The following KCNH2 variants were observed in gnomAD, a reference collection of about 807,000 sequenced individuals.
The protein encoded by KCNH2 is potassium voltage-gated channel subfamily H member 2, also known as voltage-gated inwardly rectifying potassium channel KCNH2.
Under a neutral mutation model 95.9 loss-of-function variants are expected in KCNH2, and 35 were observed. That is an observed-to-expected ratio of 0.37 (90% confidence interval 0.28 to 0.48). The LOEUF is 0.48. KCNH2 is among the 20% of genes least tolerant of loss of function. KCNH2 has a pLI of 0.99. For synonymous variants in KCNH2, 786 were observed against 754.7 expected (o/e 1.04, Z -0.68); for missense variants, 1,274 against 1,702.9 (o/e 0.75, Z 4.43).
In KCNH2 at chr7:150,958,379, T is replaced by G. The variant is rs748913078; in HGVS notation, c.596A>C (p.Asp199Ala). 6.8e-7 allele frequency: 1 copy of G among 1,474,154 alleles called. No individual in the cohort carries two copies. The highest frequency in any genetic ancestry group is 1.3e-5 in the South Asian group (1 of 77,936). The allele number at this position is 1,474,154 out of a possible 1,614,324, so 91.3% of individuals were successfully genotyped here. The change falls in exon 4 of 15, where the codon GAC (aspartate) becomes GCC (alanine). Residue 199 changes from aspartate to alanine, a missense_variant. Coordinates refer to ENST00000262186, the MANE Select transcript of KCNH2 (RefSeq NM_000238.4). The part of the protein sequence containing the change: ...GAPGAVVVDV[D>A]LTPAAPSSES... ...GCTGCTGGGTGCCGCGGGCGTCAGG[T>G]CCACGTCCACCACCACGGCCCCCGG...
chr7:150,947,184 G>A, intron 13 of KCNH2, 130 bp from the exon 14 acceptor site: 2 of 1,098,520 alleles, frequency 1.8e-6, no homozygotes, highest in Non-Finnish European at 1.3e-6. Context: ...TAGAGGTGTG[G>A]CAGCCCCCAG....
rs749992488 is a variant in KCNH2, at chr7:150,974,735, C to T, written c.283G>A (p.Glu95Lys). 2.6e-6 allele frequency: 4 copies of T among 1,561,664 alleles called. No homozygotes were observed. In the Admixed American group the frequency reaches 6.9e-5, roughly 27 times the overall value. ...ALLGAEERKV[E>K]IAFYRKDGSC... ...CCATCTTTCCGGTAGAAGGCGATTT[C>T]CACTTTGCGCTCCTCGGCGCCCAGC... Residue 95 changes from glutamate to lysine, a missense_variant, in exon 2 of 15, where the codon GAA becomes AAA. Coordinates refer to ENST00000262186, the MANE Select transcript of KCNH2 (RefSeq NM_000238.4).
chr7:150,953,347 G>C (rs558045454), intron 5 of KCNH2, among the ~76,000 whole-genome samples: 1 of 152,080 alleles, frequency 6.6e-6, no homozygotes, highest in Admixed American at 6.5e-5. Context: ...CCACAGGCCC[G>C]AGGACACCAG....
intron 2 of KCNH2, among the ~76,000 whole-genome samples, chr7:150,959,981 A>G (rs1195783493): frequency 6.6e-6 from 1 of 152,082 alleles, no homozygotes; most frequent in Non-Finnish European, 1.5e-5. Flanking sequence ...CTCTGCCTAT[A>G]TGATTTATCT....
At position 150,952,478 on chromosome 7, in the gene KCNH2, T is replaced by C; in HGVS notation, c.1504A>G (p.Met502Val). 6.2e-7 allele frequency: 1 copy of C among 1,614,068 alleles called. No individual in the cohort carries two copies. Residue 502 changes from methionine (M) to valine (V), a missense_variant, in exon 6 of 15, where the codon ATG (methionine) becomes GTG (valine). Physicochemically the swap from Met to Val is conservative, Grantham distance 21 (BLOSUM62 1). Around this residue, in one of 7 missense-constraint regions of KCNH2, gnomAD observed 147 missense variants for 344.4 expected, o/e 0.43. Coordinates refer to ENST00000262186, the MANE Select transcript of KCNH2 (RefSeq NM_000238.4). The surrounding 1 kb of genome is among the most constrained non-coding windows in gnomAD (Gnocchi z 7.3). Reference sequence around the variant, plus strand: ...AGGTCGAAGGGGATGGCGGCCACCATGTCGATGAGGAACCAGCCCTTGAAG... The same window carrying C: ...AGGTCGAAGGGGATGGCGGCCACCACGTCGATGAGGAACCAGCCCTTGAAG... ...HYFKGWFLID[M>V]VAAIPFDLLI...
At chr7:150,970,129 C>T (rs544805947) in intron 2 of KCNH2, among the ~76,000 whole-genome samples, 66 of 152,282 alleles carry the variant, frequency 4.3e-4, no homozygotes, top group Middle Eastern at 6.8e-3. Context: ...GCACTCTAAA[C>T]GCAGAAGTTC....
At position 150,945,528 on chromosome 7, in the gene KCNH2, A is replaced by C; in HGVS notation, c.3331-14T>G. 6.4e-7 allele frequency: 1 copy of C among 1,557,038 alleles called. No individual in the cohort carries two copies. Among genetic ancestry groups the C allele is most frequent in the Non-Finnish European group, 8.7e-7 (1 of 1,150,388 alleles). On this transcript the variant is annotated splice_polypyrimidine_tract_variant and intron_variant, in intron 14 of 14. Transcript: ENST00000262186. This position sits in a 1 kb window ranked among gnomAD's most constrained non-coding sequence, Gnocchi z 5.6. ...GAACTGGGAAACCTGCAATACACAC[A>C]GAGCATGGGCAGGCGAAGAGGCCAT...
intron 9 of KCNH2, 106 bp downstream of exon 9, chr7:150,950,062 A>G: frequency 6.2e-7 from 1 of 1,612,160 alleles, no homozygotes; most frequent in Non-Finnish European, 8.5e-7. Flanking sequence ...GTGACCCTGC[A>G]GGCAGTCCCA....
At chr7:150,957,963 T>C in intron 4 of KCNH2, 96 bp downstream of exon 4, 5 of 959,148 alleles carry the variant, frequency 5.2e-6, no homozygotes, top group Non-Finnish European at 7.0e-6. Context: ...ACCCAGGACG[T>C]AGTGAAAAGG....
chr7:150,953,634 G>T (rs1015439587), intron 5 of KCNH2, among the ~76,000 whole-genome samples: 1 of 152,202 alleles, frequency 6.6e-6, no homozygotes, highest in African/African-American at 2.4e-5. Context: ...ACAGAGGCAG[G>T]CTGGCCATCC....
intron 2 of KCNH2, among the ~76,000 whole-genome samples, chr7:150,963,502 C>A (rs1052343889): frequency 6.6e-6 from 1 of 152,172 alleles, no homozygotes; most frequent in African/African-American, 2.4e-5. Flanking sequence ...GTGGAGGGAG[C>A]TTAGCAATGA....
intron 2 of KCNH2, among the ~76,000 whole-genome samples, chr7:150,968,411 G>C (rs41307337): frequency 2.6e-5 from 4 of 152,184 alleles, no homozygotes; most frequent in African/African-American, 9.7e-5. Context: ...CACTGAATAC[G>C]CACCTACAGA....
chr7:150,948,671 G>A, intron 10 of KCNH2, 128 bp from the exon 11 acceptor site: 2 of 1,092,374 alleles, frequency 1.8e-6, no homozygotes, highest in South Asian at 2.6e-5. Flanking sequence ...ACCCTTCCCT[G>A]CCCCCAATGT....
Position 150,948,424 on chromosome 7 carries a change from C to CGA in KCNH2, c.2692+19_2692+20insTC. 68 of 744,940 alleles carry CGA rather than the reference C, an allele frequency of 9.1e-5. No homozygotes were observed. The highest frequency in any genetic ancestry group is 1.4e-4 in the Non-Finnish European group (64 of 460,102). 46.1% of individuals were successfully genotyped at this position (744,940 alleles called of 1,614,324 possible). ...TCACCTTGTCCCCGCCCTCCCCCTT[C>CGA]CTCCCCTCCCCCGCCTCACCCTTGT... On this transcript the variant is annotated intron_variant, in intron 11 of 14. Coordinates refer to ENST00000262186, the MANE Select transcript of KCNH2 (RefSeq NM_000238.4).
chr7:150,959,810 C>G, intron 2 of KCNH2, 74 bp from the exon 3 acceptor site: 1 of 1,573,508 alleles, frequency 6.4e-7, no homozygotes. Context: ...AGGATGGACC[C>G]TGGAACCCAA....
chr7:150,958,967 G>C (rs1015307379), intron 3 of KCNH2, among the ~76,000 whole-genome samples: 1 of 152,222 alleles, frequency 6.6e-6, no homozygotes, highest in Non-Finnish European at 1.5e-5. Flanking sequence ...ACCAAGAGGT[G>C]AGCACTTTTG....
rs777916154 is a variant in KCNH2, at chr7:150,947,606, C to T, written c.2965G>A (p.Gly989Ser). The change falls in exon 12 of 15, where the codon GGC (glycine) becomes AGC (serine). Residue 989 changes from glycine to serine, a missense_variant and splice_region_variant. Physicochemically the swap from Gly to Ser is moderately conservative, Grantham distance 56 (BLOSUM62 0). Around this residue, in one of 7 missense-constraint regions of KCNH2, gnomAD observed 457 missense variants for 416.1 expected, o/e 1.10. Coordinates refer to ENST00000262186, the MANE Select transcript of KCNH2 (RefSeq NM_000238.4). ...CTCGCCCGCCCGTCGCCCGGGATAC[C>T]TGACAGGGGGTTGCAAGTGTCGCTG... ...KSSDTCNPLS[G>S]AFSGVSNIFS... The T allele has an allele frequency of 6.2e-7, 1 of 1,612,676 alleles. No homozygotes were observed. Among genetic ancestry groups the T allele is most frequent in the Admixed American group, 1.7e-5 (1 of 59,942 alleles).
At chr7:150,957,551 C>T (rs752137357) in intron 4 of KCNH2, 49 bp from the exon 5 acceptor site, 1 of 1,415,150 alleles carries the variant, frequency 7.1e-7, no homozygotes, top group Non-Finnish European at 1.0e-6. Context: ...GGCCCCAGGC[C>T]AGGCAGGCCA....
Position 150,952,304 on chromosome 7 carries a change from C to CTCTCTT in KCNH2, c.1557+115_1557+120dup. 1 of 1,110,514 alleles carries CTCTCTT rather than the reference C, an allele frequency of 9.0e-7. No homozygotes were observed. The highest frequency in any genetic ancestry group is 1.3e-6 in the Non-Finnish European group (1 of 758,864). The allele number at this position is 1,110,514 out of a possible 1,614,324, so 68.8% of individuals were successfully genotyped here. Reference sequence around the variant, plus strand: ...ACCATGTCTCTCTCCCACTGTCTTTCTCTCTTTCTCTCTCTCTCTCTTTTT... The same window carrying CTCTCTT: ...ACCATGTCTCTCTCCCACTGTCTTTCTCTCTTTCTCTTTCTCTCTCTCTCTCTTTTT... On this transcript the variant is annotated intron_variant, in intron 6 of 14. Transcript: ENST00000262186. This position sits in a 1 kb window ranked among gnomAD's most constrained non-coding sequence, Gnocchi z 7.3.
Sources: allele counts gnomAD v4.1 joint callset (sites outside exome capture counted in the v4.1 genomes callset), GRCh38; gene constraint gnomAD v4.1.1; regional missense constraint gnomAD v4.1.1; non-coding constraint Gnocchi (gnomAD v3.1); transcripts MANE v1.5; gene names NCBI Gene and HGNC (gene_info 2026-07-23, HGNC 2026-07-21).